PTPRG: variants seen among roughly 807,000 people sequenced by gnomAD.
The protein encoded by PTPRG is receptor-type tyrosine-protein phosphatase gamma.
PTPRG carries 102 observed loss-of-function variants against 165.3 expected under a neutral mutation model. The observed-to-expected ratio is 0.62, with a 90% confidence interval of 0.53 to 0.73. The LOEUF (loss-of-function observed/expected upper bound fraction) is 0.73, where lower values mean the gene tolerates loss of function less well. Among genes scored for constraint, PTPRG ranks in the 30% least tolerant of loss-of-function variants. The pLI, the probability that PTPRG is intolerant of heterozygous loss-of-function variation, is 0.00. For missense variants in PTPRG, 1,866 were observed against 1,861.4 expected (o/e 1.00, Z -0.05); for synonymous variants, 675 against 669.5 (o/e 1.01, Z -0.13).
At chr3:61,634,545 G>T (rs1434386078) in intron 1 of PTPRG, among the ~76,000 whole-genome samples, 1 of 151,790 alleles carries the variant, frequency 6.6e-6, no homozygotes, top group Admixed American at 6.6e-5. Context: ...GGCTGTGTGT[G>T]TGTGTTTTTT....
At chr3:62,186,786 C>T (rs1245720212) in intron 8 of PTPRG, among the ~76,000 whole-genome samples, 2 of 151,950 alleles carry the variant, frequency 1.3e-5, no homozygotes, top group Admixed American at 6.5e-5. Context: ...AGGTTGCTCT[C>T]GAACTCCTGG....
At chr3:61,564,623 G>A (rs1699861766) in intron 1 of PTPRG, among the ~76,000 whole-genome samples, 1 of 152,250 alleles carries the variant, frequency 6.6e-6, no homozygotes. Flanking sequence ...CCGAGAGGGA[G>A]CAGCAGGCTT....
At chr3:61,995,091 T>TTC (rs2040994526) in intron 3 of PTPRG, among the ~76,000 whole-genome samples, 1 of 140,718 alleles carries the variant, frequency 7.1e-6, no homozygotes, top group South Asian at 2.4e-4. Context: ...TTTCTTTTTT[T>TTC]TTTTTTTTTT....
At chr3:62,154,273 A>G (rs1704453108) in intron 6 of PTPRG, among the ~76,000 whole-genome samples, 1 of 152,168 alleles carries the variant, frequency 6.6e-6, no homozygotes, top group South Asian at 2.1e-4. Context: ...CTAAGATTCA[A>G]TGGCAGTGAT....
At chr3:61,628,930 C>T (rs1037558239) in intron 1 of PTPRG, among the ~76,000 whole-genome samples, 4 of 152,182 alleles carry the variant, frequency 2.6e-5, no homozygotes, top group African/African-American at 9.7e-5. Flanking sequence ...CTGTTTAAAG[C>T]TGTGCTTGTA....
In PTPRG at chr3:61,939,928, C is replaced by CTTTTTTTTTTTTTTTTTTTTT. The variant is rs561334410; in HGVS notation, c.191-49681_191-49661dup. Among the ~76,000 whole-genome samples the CTTTTTTTTTTTTTTTTTTTTT allele has an allele frequency of 1.3e-4, 5 of 39,142 alleles. 2 individuals carry two copies. The highest frequency in any genetic ancestry group is 1.8e-4 in the Non-Finnish European group (4 of 21,766). 25.7% of individuals were successfully genotyped at this position (39,142 alleles called of 152,430 possible). On this transcript the variant is annotated intron_variant, in intron 2 of 29. Transcript: ENST00000474889. ...TGTCTTGGCTTCCTTACTGACTTGT[C>CTTTTTTTTTTTTTTTTTTTTT]TTTTTTTTTTTTTTTTTTTTTTTTT...
chr3:61,867,694 C>A (rs1289987761), intron 2 of PTPRG, among the ~76,000 whole-genome samples: 1 of 152,076 alleles, frequency 6.6e-6, no homozygotes, highest in African/African-American at 2.4e-5. Context: ...TCTCTGCAGC[C>A]CTCTCTCCCT....
chr3:61,678,029 G>C (rs1195760099), intron 1 of PTPRG, among the ~76,000 whole-genome samples: 1 of 152,160 alleles, frequency 6.6e-6, no homozygotes, highest in South Asian at 2.1e-4. Context: ...CAGAACTGGG[G>C]CAGAGTCCTG....
At chr3:61,738,275 TATAC>T (rs1268504502) in intron 1 of PTPRG, among the ~76,000 whole-genome samples, 2 of 68,702 alleles carry the variant, frequency 2.9e-5, no homozygotes, top group African/African-American at 5.8e-5. Flanking sequence ...TATATATATA[TATAC>T]ATATATATAT....
chr3:61,676,468 A>AAG (rs1477432888), intron 1 of PTPRG, among the ~76,000 whole-genome samples: 3 of 146,242 alleles, frequency 2.1e-5, no homozygotes, highest in African/African-American at 7.5e-5. Context: ...AAAAAAAAAA[A>AAG]AAAAAAGAAA....
chr3:61,562,783 C>T (rs940267734), intron 1 of PTPRG, among the ~76,000 whole-genome samples: 2 of 152,134 alleles, frequency 1.3e-5, no homozygotes, highest in Admixed American at 1.3e-4. Flanking sequence ...CGGGATGAGC[C>T]CCCTCGCTCT....
In PTPRG at chr3:62,221,304, A is replaced by G. The variant is rs968109018; in HGVS notation, c.2288+2321A>G. ...CAGAGCTTTAAACTTCATCCAACAG[A>G]GTCTGGACTTGAGCTTTTACCAAAT... On this transcript the variant is annotated intron_variant, in intron 13 of 29. Coordinates refer to ENST00000474889, the MANE Select transcript of PTPRG (RefSeq NM_002841.4). 6.6e-5 allele frequency among the ~76,000 whole-genome samples: 10 copies of G among 152,206 alleles called. No individual in the cohort carries two copies. In the East Asian group the frequency reaches 1.7e-3, roughly 26 times the overall value.
intron 1 of PTPRG, among the ~76,000 whole-genome samples, chr3:61,624,133 G>A (rs1247852026): frequency 6.6e-6 from 1 of 152,100 alleles, no homozygotes; most frequent in African/African-American, 2.4e-5. Flanking sequence ...AGTATGTCAT[G>A]GTGGTCCCCT....
chr3:61,663,486 A>G (rs1242739104), intron 1 of PTPRG, among the ~76,000 whole-genome samples: 1 of 152,148 alleles, frequency 6.6e-6, no homozygotes, highest in Non-Finnish European at 1.5e-5. Context: ...AGTGTATTCA[A>G]AGCAGTAGTC....
chr3:62,251,717 T>C (rs1052741902), intron 15 of PTPRG, among the ~76,000 whole-genome samples: 1 of 152,188 alleles, frequency 6.6e-6, no homozygotes, highest in Non-Finnish European at 1.5e-5. Context: ...AAAGTTTAAT[T>C]TGTTATTCCT....
chr3:62,057,150 T>C (rs189462712), intron 4 of PTPRG, among the ~76,000 whole-genome samples: 1 of 152,260 alleles, frequency 6.6e-6, no homozygotes, highest in Admixed American at 6.5e-5. Context: ...GTATTTGCAA[T>C]TGAGATCAGA....
intron 2 of PTPRG, among the ~76,000 whole-genome samples, chr3:61,868,521 G>GC (rs2037473464): frequency 3.3e-5 from 5 of 152,072 alleles, no homozygotes; most frequent in Admixed American, 3.3e-4. Context: ...CTTTCCCTCT[G>GC]CCTTTCCTTG....
At chr3:61,911,220 G>T (rs2038795169) in intron 2 of PTPRG, among the ~76,000 whole-genome samples, 1 of 152,120 alleles carries the variant, frequency 6.6e-6, no homozygotes, top group Non-Finnish European at 1.5e-5. Context: ...AGGGGAAGGG[G>T]GCAGAGACAT....
Position 61,894,005 on chromosome 3 carries a change from C to T in PTPRG, c.191-95620C>T, listed in dbSNP as rs117831383. Among the ~76,000 whole-genome samples the T allele has an allele frequency of 1.3e-3, 201 of 152,130 alleles. 1 individual carries two copies. Among genetic ancestry groups the T allele is most frequent in the East Asian group, 7.0e-3 (36 of 5,170 alleles). On this transcript the variant is annotated intron_variant, in intron 2 of 29. Transcript: ENST00000474889. ...GGGGTGTTATTTGCAGAGAAAGCAG[C>T]TGGCACTAAGTTTACAGGCTAATTA...
Sources: gnomAD v4.1 joint callset for allele counts (sites outside exome capture counted in the v4.1 genomes callset) on GRCh38, gnomAD v4.1.1 for gene constraint, MANE v1.5 for transcripts, NCBI Gene and HGNC (gene_info 2026-07-23, HGNC 2026-07-21) for gene names.